Variants in THRB observed in about 807,000 individuals in gnomAD.
THRB encodes thyroid hormone receptor beta.
Under a neutral mutation model 47.8 loss-of-function variants are expected in THRB, and 12 were observed. The ratio of observed to expected loss-of-function variants is 0.25; its 90% CI spans 0.16 to 0.41. The LOEUF (loss-of-function observed/expected upper bound fraction) is 0.41, where lower values mean the gene tolerates loss of function less well. Among genes scored for constraint, THRB ranks in the 10% least tolerant of loss-of-function variants. The pLI is 1.00. For missense variants in THRB, 348 were observed against 589.2 expected (o/e 0.59, Z 4.24); for synonymous variants, 218 against 212.2 (o/e 1.03, Z -0.24).
chr3:24,150,383 G>A (rs775213590), intron 6 of THRB, among the ~76,000 whole-genome samples: 5 of 152,136 alleles, frequency 3.3e-5, no homozygotes, highest in Non-Finnish European at 7.4e-5. Context: ...ATTATATTAA[G>A]TGATCCGCAC....
chr3:24,161,953 T>C (rs1163261380), intron 5 of THRB, among the ~76,000 whole-genome samples: 1 of 151,640 alleles, frequency 6.6e-6, no homozygotes, highest in Non-Finnish European at 1.5e-5. Context: ...AGATGGCATG[T>C]AGAAGGTCAA....
intron 1 of THRB, chr3:24,486,475 A>C (rs1037161348): frequency 2.0e-5 from 3 of 152,242 alleles, no homozygotes; most frequent in Non-Finnish European, 4.4e-5. Context: ...AAAATTACTT[A>C]TTATAAGGCT....
chr3:24,474,123 G>C (rs1009456356), intron 1 of THRB, among the ~76,000 whole-genome samples: 1 of 152,074 alleles, frequency 6.6e-6, no homozygotes, highest in Non-Finnish European at 1.5e-5. Flanking sequence ...AAAAAAGTTC[G>C]TTGTATGCTT....
Position 24,479,034 on chromosome 3 carries a change from A to C in THRB, c.-261+15618T>G, listed in dbSNP as rs567176473. Among the ~76,000 whole-genome samples the C allele has an allele frequency of 3.9e-5, 6 of 152,168 alleles. No homozygotes were observed. The East Asian group carries it at 7.8e-4, about 20-fold the overall frequency. ...TATAATGCGGCCGGGCGCGGGGGTT[A>C]ACGCCTGTAATCCCAGCACTTTGGG... On this transcript the variant is annotated intron_variant, in intron 1 of 10. Coordinates refer to ENST00000646209, the MANE Select transcript of THRB (RefSeq NM_001354712.2).
At chr3:24,364,080 A>G (rs2064273411) in intron 1 of THRB, among the ~76,000 whole-genome samples, 1 of 152,294 alleles carries the variant, frequency 6.6e-6, no homozygotes, top group South Asian at 2.1e-4. Context: ...AACAAAGTAC[A>G]TACTGGGTTC....
intron 2 of THRB, among the ~76,000 whole-genome samples, chr3:24,321,013 C>A (rs1225860738): frequency 6.6e-6 from 1 of 152,180 alleles, no homozygotes; most frequent in African/African-American, 2.4e-5. Flanking sequence ...CTTACCAACC[C>A]TTTCCCCCAA....
intron 1 of THRB, among the ~76,000 whole-genome samples, chr3:24,413,251 C>T (rs892251818): frequency 6.6e-6 from 1 of 151,808 alleles, no homozygotes; most frequent in Admixed American, 6.6e-5. Context: ...AAGATATTTG[C>T]AAAGAATTTT....
chr3:24,354,145 G>A (rs2063525486), intron 1 of THRB, among the ~76,000 whole-genome samples: 1 of 152,118 alleles, frequency 6.6e-6, no homozygotes, highest in Non-Finnish European at 1.5e-5. Context: ...AACACTGCGT[G>A]TTCTCACTTA....
intron 1 of THRB, among the ~76,000 whole-genome samples, chr3:24,467,442 C>T (rs1400856673): frequency 6.6e-6 from 1 of 152,172 alleles, no homozygotes; most frequent in Non-Finnish European, 1.5e-5. Context: ...TTTCAATTTA[C>T]TTTACACAGA....
chr3:24,446,654 C>G (rs909484978), intron 1 of THRB, among the ~76,000 whole-genome samples: 1 of 151,894 alleles, frequency 6.6e-6, no homozygotes, highest in East Asian at 1.9e-4. Flanking sequence ...TTGTTCTTCA[C>G]AAGTATAATT....
At chr3:24,283,231 C>G (rs2054828334) in intron 3 of THRB, among the ~76,000 whole-genome samples, 1 of 152,128 alleles carries the variant, frequency 6.6e-6, no homozygotes, top group African/African-American at 2.4e-5. Context: ...AAAGCTTATC[C>G]ACCATGATCA....
chr3:24,260,321 T>C (rs914946832), intron 3 of THRB, among the ~76,000 whole-genome samples: 1 of 152,176 alleles, frequency 6.6e-6, no homozygotes, highest in East Asian at 1.9e-4. Flanking sequence ...TCTGGACTCA[T>C]GAGCTGTGTG....
chr3:24,374,343 C>T (rs1038440740), intron 1 of THRB, among the ~76,000 whole-genome samples: 5 of 151,996 alleles, frequency 3.3e-5, no homozygotes, highest in Non-Finnish European at 7.4e-5. Context: ...CATCCTGAAG[C>T]TACAATGCAA....
chr3:24,424,732 A>T (rs1196303705), intron 1 of THRB, among the ~76,000 whole-genome samples: 1 of 152,010 alleles, frequency 6.6e-6, no homozygotes. Context: ...GCCTAGTAGC[A>T]AAACTTCAAA....
chr3:24,338,459 A>G (rs1038099921), intron 1 of THRB, among the ~76,000 whole-genome samples: 2 of 152,238 alleles, frequency 1.3e-5, no homozygotes, highest in East Asian at 3.8e-4. Context: ...TTTTGACTCA[A>G]TATGATGGAT....
At chr3:24,390,392 G>T (rs2066470818) in intron 1 of THRB, among the ~76,000 whole-genome samples, 1 of 152,102 alleles carries the variant, frequency 6.6e-6, no homozygotes, top group Non-Finnish European at 1.5e-5. Context: ...ATGTTGATCA[G>T]CACATGACAT....
intron 5 of THRB, among the ~76,000 whole-genome samples, chr3:24,188,982 T>C (rs1397999893): frequency 6.6e-6 from 1 of 150,898 alleles, no homozygotes; most frequent in Non-Finnish European, 1.5e-5. Flanking sequence ...ACTATTACTT[T>C]TGAATAACTC....
intron 3 of THRB, among the ~76,000 whole-genome samples, chr3:24,272,237 T>A (rs1427640411): frequency 6.6e-6 from 1 of 152,004 alleles, no homozygotes; most frequent in Non-Finnish European, 1.5e-5. Flanking sequence ...TCTCAGCTGC[T>A]CTCAAGGCTG....
intron 3 of THRB, among the ~76,000 whole-genome samples, chr3:24,253,383 A>G (rs1176838204): frequency 6.6e-6 from 1 of 152,232 alleles, no homozygotes; most frequent in Non-Finnish European, 1.5e-5. Context: ...ATGGAGATAC[A>G]GCATTGAACA....
Sources: gnomAD v4.1 joint callset for allele counts (sites outside exome capture counted in the v4.1 genomes callset) on GRCh38, gnomAD v4.1.1 for gene constraint, MANE v1.5 for transcripts, NCBI Gene and HGNC (gene_info 2026-07-23, HGNC 2026-07-21) for gene names.